SYNE1: variants seen among roughly 807,000 people sequenced by gnomAD.
SYNE1 encodes the protein nesprin-1.
In SYNE1, 616 loss-of-function variants were observed where a neutral mutation model predicts 1,111.0. The ratio of observed to expected loss-of-function variants is 0.55; its 90% CI spans 0.52 to 0.59. SYNE1 has a LOEUF of 0.59. SYNE1 is among the 20% of genes least tolerant of loss of function. SYNE1 has a pLI of 0.00. For missense variants in SYNE1, 10,006 were observed against 10,417.0 expected, an observed-to-expected ratio of 0.96 and a Z score of 1.72; for synonymous variants, 3,855 against 3,825.8, an observed-to-expected ratio of 1.01 and a Z score of -0.28.
chr6:152,425,126 C>T (rs1563922356), intron 39 of SYNE1, among the ~76,000 whole-genome samples: 1 of 152,178 alleles, frequency 6.6e-6, no homozygotes, highest in African/African-American at 2.4e-5. Flanking sequence ...CATTAGCAAT[C>T]CTACCGTCTT....
intron 131 of SYNE1, among the ~76,000 whole-genome samples, chr6:152,161,325 A>ATT (rs72455598): frequency 6.8e-6 from 1 of 147,058 alleles, no homozygotes; most frequent in Non-Finnish European, 1.5e-5. Flanking sequence ...TATTTTCTTT[A>ATT]TTTTTTTTTA....
At chr6:152,552,787 T>A (rs1228147556) in intron 3 of SYNE1, among the ~76,000 whole-genome samples, 1 of 152,154 alleles carries the variant, frequency 6.6e-6, no homozygotes, top group Non-Finnish European at 1.5e-5. Flanking sequence ...CACCAGGTGG[T>A]GCTGTTGCTT....
rs772266857 is a variant in SYNE1 at position 152,419,598 on chromosome 6, C to G, written c.5392G>C (p.Asp1798His). The G allele has an allele frequency of 1.9e-6, 3 of 1,612,644 alleles. No homozygotes were observed. The highest frequency in any genetic ancestry group is 2.7e-5 in the African/African-American group (2 of 74,530). The change falls in exon 40 of 146, where the codon GAC becomes CAC. Residue 1798 changes from aspartate to histidine, a missense_variant. Physicochemically the swap from Asp to His is moderately conservative, Grantham distance 81. Transcript: ENST00000367255. ...LQTTSEISIM[D>H]HQVALTRHKD... ...TGCCGAGTAAGGGCTACTTGATGGT[C>G]CATTATGCTAATCTCAGAGGTAGTT...
Position 152,430,590 on chromosome 6 carries a change from T to G in SYNE1, c.4581A>C (p.Thr1527=). Residue 1527 remains threonine, a synonymous_variant, in exon 35 of 146, where the codon ACA becomes ACC. Transcript: ENST00000367255. ...GCTCTTCCCCGTATCTTCTTATTTG[T>G]GTCAACTTGGCTTTAATTCGAGCAG... ...GESARIKAKL[T]QIRRYGEELR... The G allele has an allele frequency of 6.2e-7, 1 of 1,614,180 alleles. No individual in the cohort carries two copies. The highest frequency in any genetic ancestry group is 1.1e-5 in the South Asian group (1 of 91,080).
intron 63 of SYNE1, among the ~76,000 whole-genome samples, 170 bp from the exon 64 acceptor site, chr6:152,362,493 T>G (rs2096950430): frequency 6.6e-6 from 1 of 152,142 alleles, no homozygotes; most frequent in Non-Finnish European, 1.5e-5. Context: ...AGTCCAGGTC[T>G]GAAGGGCAGC....
chr6:152,153,816 T>C (rs1005128220), intron 133 of SYNE1, among the ~76,000 whole-genome samples: 2 of 152,216 alleles, frequency 1.3e-5, no homozygotes, highest in African/African-American at 4.8e-5. Flanking sequence ...TCAGAGTAAT[T>C]CATCCATTTC....
chr6:152,295,971 G>A (rs561375794), intron 93 of SYNE1, among the ~76,000 whole-genome samples: 21 of 152,242 alleles, frequency 1.4e-4, no homozygotes, highest in African/African-American at 3.8e-4. Context: ...ATCGTCACAC[G>A]TGAATGCACT....
rs556916995 is a variant in SYNE1 at position 152,573,474 on chromosome 6, T to C, written c.68-33453A>G. 6.6e-5 allele frequency among the ~76,000 whole-genome samples: 10 copies of C among 152,074 alleles called. No individual in the cohort carries two copies. The South Asian group carries it at 1.5e-3, about 22-fold the overall frequency. On this transcript the variant is annotated intron_variant, in intron 3 of 145. Coordinates refer to ENST00000367255, the MANE Select transcript of SYNE1 (RefSeq NM_182961.4). ...GCGGTAGTTTGCTGAGAATGATGGTTTCCAAGGCTGACATTTTTAACTGAA... is the reference window on the plus strand; with the variant it reads ...GCGGTAGTTTGCTGAGAATGATGGTCTCCAAGGCTGACATTTTTAACTGAA...
intron 98 of SYNE1, among the ~76,000 whole-genome samples, chr6:152,271,909 C>T (rs1172073163): frequency 2.0e-5 from 3 of 152,140 alleles, no homozygotes; most frequent in Non-Finnish European, 2.9e-5. Context: ...TTTCAGAGCC[C>T]GGCCTGAAGA....
At chr6:152,329,063 T>A (rs1393504436) in intron 78 of SYNE1, among the ~76,000 whole-genome samples, 2 of 152,240 alleles carry the variant, frequency 1.3e-5, no homozygotes, top group African/African-American at 2.4e-5. Context: ...TCACTAATTA[T>A]TCATGGTTAA....
At chr6:152,134,988 A>T in intron 142 of SYNE1, 116 bp downstream of exon 142, 1 of 1,430,674 alleles carries the variant, frequency 7.0e-7, no homozygotes, top group Non-Finnish European at 9.7e-7. Flanking sequence ...AGTAGAGACT[A>T]TAATGCAAAA....
chr6:152,167,896 A>T (rs1370147119), intron 130 of SYNE1: 1 of 748,998 alleles, frequency 1.3e-6, no homozygotes, highest in East Asian at 2.6e-5. Context: ...AAGTCCATTA[A>T]CCTTTTTGTC....
intron 91 of SYNE1, among the ~76,000 whole-genome samples, chr6:152,305,597 G>A (rs1369717576): frequency 6.6e-6 from 1 of 152,028 alleles, no homozygotes; most frequent in Non-Finnish European, 1.5e-5. Context: ...AATTCCTTAG[G>A]CATAAATAAA....
chr6:152,211,017 T>A (rs947847880), intron 124 of SYNE1, among the ~76,000 whole-genome samples: 13 of 152,210 alleles, frequency 8.5e-5, no homozygotes, highest in African/African-American at 3.1e-4. Context: ...CCAGGCCTGA[T>A]TCTGCTGCTA....
intron 76 of SYNE1, 88 bp from the exon 77 acceptor site, chr6:152,334,361 A>T: frequency 6.9e-7 from 1 of 1,441,926 alleles, no homozygotes; most frequent in Non-Finnish European, 9.5e-7. Flanking sequence ...AGACCTTTAA[A>T]CACTCTAAGT....
Position 152,607,105 on chromosome 6 carries a change from C to A in SYNE1, c.67+21160G>T, listed in dbSNP as rs369787284. ...GTTCACGCCATTCTCCTGCCTCAGC[C>A]CCCCCAGTAGGTGGGACTACAGGCA... On this transcript the variant is annotated intron_variant, in intron 3 of 145. Transcript: ENST00000367255. Among the ~76,000 whole-genome samples the A allele has an allele frequency of 1.7e-3, 258 of 150,976 alleles. 1 individual carries two copies. The highest frequency in any genetic ancestry group is 5.4e-3 in the African/African-American group (221 of 40,950).
rs550158120 is a variant in SYNE1, at chr6:152,145,049, T to C, written c.24977-1284A>G. 7 of 225,540 alleles carry C rather than the reference T, an allele frequency of 3.1e-5. No individual in the cohort carries two copies. The South Asian group carries it at 4.6e-4, about 15-fold the overall frequency. 14.0% of individuals were successfully genotyped at this position (225,540 alleles called of 1,614,324 possible). On this transcript the variant is annotated intron_variant, in intron 137 of 145. Transcript: ENST00000367255. ...GATTCTTGAGATGAGGAGGATAAAGTGGTGGATGGGCCAAAGGTCACTCAT... is the reference window on the plus strand; with the variant it reads ...GATTCTTGAGATGAGGAGGATAAAGCGGTGGATGGGCCAAAGGTCACTCAT...
chr6:152,355,030 G>T, intron 66 of SYNE1, 54 bp from the exon 67 acceptor site: 7 of 1,599,296 alleles, frequency 4.4e-6, no homozygotes, highest in South Asian at 1.1e-5. Flanking sequence ...CACTTGCATG[G>T]GTTAGCATGT....
intron 119 of SYNE1, among the ~76,000 whole-genome samples, chr6:152,219,493 G>GAAAAAAAA (rs34187904): frequency 7.5e-6 from 1 of 132,980 alleles, no homozygotes. Flanking sequence ...ACATAAACAA[G>GAAAAAAAA]AAAAAAAAAA....
Sources: allele counts gnomAD v4.1 joint callset (sites outside exome capture counted in the v4.1 genomes callset), GRCh38; gene constraint gnomAD v4.1.1; transcripts MANE v1.5; gene names NCBI Gene and HGNC (gene_info 2026-07-23, HGNC 2026-07-21).